Variants in PCDHGB4 observed in about 807,000 individuals in gnomAD.
The protein encoded by PCDHGB4 is protocadherin gamma subfamily B, 4, also known as protocadherin gamma-B4.
In PCDHGB4, 38 loss-of-function variants were observed where a neutral mutation model predicts 60.5. The ratio of observed to expected loss-of-function variants is 0.63; its 90% CI spans 0.48 to 0.82. PCDHGB4 has a LOEUF of 0.82. Among genes scored for constraint, PCDHGB4 ranks in the 40% least tolerant of loss-of-function variants. PCDHGB4 has a pLI of 0.00. For missense variants in PCDHGB4, 1,109 were observed against 1,209.6 expected (o/e 0.92, Z 1.23); for synonymous variants, 456 against 509.7 (o/e 0.89, Z 1.42).
chr5:141,394,018 A>T (rs2092900242), intron 1 of PCDHGB4: 1 of 1,613,496 alleles, frequency 6.2e-7, no homozygotes. Flanking sequence ...GGTAATTATT[A>T]TAGATTAGTG....
chr5:141,423,760 G>GT, intron 1 of PCDHGB4: 1 of 279,664 alleles, frequency 3.6e-6, no homozygotes, highest in Non-Finnish European at 5.3e-6. Flanking sequence ...TGGGGGGGGG[G>GT]TGGGGCGGCA....
intron 1 of PCDHGB4, among the ~76,000 whole-genome samples, chr5:141,447,123 T>G (rs1004463863): frequency 1.3e-5 from 2 of 152,160 alleles, no homozygotes; most frequent in Non-Finnish European, 2.9e-5. Flanking sequence ...CCATGGATTT[T>G]TTTGTTTGTT....
chr5:141,431,071 A>G lies in PCDHGB4; in HGVS notation c.2397+40790A>G. The G allele has an allele frequency of 6.2e-7, 1 of 1,614,244 alleles. No homozygotes were observed. On this transcript the variant is annotated intron_variant, in intron 1 of 3. Coordinates refer to ENST00000519479, the MANE Select transcript of PCDHGB4 (RefSeq NM_003736.4). The surrounding 1 kb of genome is among the most constrained non-coding windows in gnomAD (Gnocchi z 4.8). ...GTATGGGGGCCATCAAGTGTCAATTAAATCTAGACATTCTGATGGAGGATA... is the reference window on the plus strand; with the variant it reads ...GTATGGGGGCCATCAAGTGTCAATTGAATCTAGACATTCTGATGGAGGATA...
Position 141,389,429 on chromosome 5 carries a change from G to T in PCDHGB4, c.1545G>T (p.Gln515His). The change falls in exon 1 of 4, where the codon CAG becomes CAT. Residue 515 changes from glutamine (Q) to histidine (H), a missense_variant. Around this residue, in one of 2 missense-constraint regions of PCDHGB4, gnomAD observed 1,068 missense variants for 1,089.9 expected, o/e 0.98. Transcript: ENST00000519479. ...ISAESGVVFAQRAFDHEQLRA... is the reference protein window; with the variant it reads ...ISAESGVVFAHRAFDHEQLRA... ...CGGAGAGCGGGGTGGTGTTCGCGCA[G>T]CGCGCCTTCGACCACGAGCAGCTGC... 6.2e-7 allele frequency: 1 copy of T among 1,610,654 alleles called. No homozygotes were observed. The highest frequency in any genetic ancestry group is 2.2e-5 in the East Asian group (1 of 44,884).
intron 1 of PCDHGB4, among the ~76,000 whole-genome samples, chr5:141,454,209 T>A (rs2098783885): frequency 6.6e-6 from 1 of 152,088 alleles, no homozygotes; most frequent in South Asian, 2.1e-4. Flanking sequence ...TTTATTGACA[T>A]GAATGAGAAA....
chr5:141,428,731 A>G (rs1290064919), intron 1 of PCDHGB4: 1 of 159,494 alleles, frequency 6.3e-6, no homozygotes, highest in Non-Finnish European at 1.4e-5. Context: ...TCTTAAACAT[A>G]TTATATCTAC....
chr5:141,426,733 G>A (rs62378459), intron 1 of PCDHGB4: 13,670 of 449,336 alleles, frequency 0.03, 288 homozygotes, highest in Middle Eastern at 0.11. Context: ...CCAGGCATTC[G>A]GTTTGGCCTG....
chr5:141,415,848 A>C (rs1222834072), intron 1 of PCDHGB4: 1 of 1,241,178 alleles, frequency 8.1e-7, no homozygotes, highest in Non-Finnish European at 1.0e-6. Context: ...GCTTTGCAGA[A>C]CCTTGTAGTT....
rs1312182657 is a variant in PCDHGB4 at position 141,406,777 on chromosome 5, CTT to C, written c.2397+16497_2397+16498del. Among the ~76,000 whole-genome samples the C allele has an allele frequency of 2.0e-5, 3 of 152,268 alleles. No individual in the cohort carries two copies. The East Asian group carries it at 5.8e-4, about 29-fold the overall frequency. On this transcript the variant is annotated intron_variant, in intron 1 of 3. Coordinates refer to ENST00000519479, the MANE Select transcript of PCDHGB4 (RefSeq NM_003736.4). ...CAAGGAATTAAAAATATTTCTCTCA[CTT>C]ATATATTATTTCTGGCTCAATTCTC...
chr5:141,431,273 C>T lies in PCDHGB4; in HGVS notation c.2397+40992C>T, dbSNP rs752219345. 54 of 1,614,068 alleles carry T rather than the reference C, an allele frequency of 3.3e-5. No individual in the cohort carries two copies. Among genetic ancestry groups the T allele is most frequent in the Non-Finnish European group, 4.1e-5 (48 of 1,180,052 alleles). On this transcript the variant is annotated intron_variant, in intron 1 of 3. Transcript: ENST00000519479. The surrounding 1 kb of genome is among the most constrained non-coding windows in gnomAD (Gnocchi z 4.8). Reference sequence around the variant, plus strand: ...GAAGAACTCTCTGCAGAGCTACGAGCTCAGCCCGAACACTCACTTCTCCCT... The same window carrying T: ...GAAGAACTCTCTGCAGAGCTACGAGTTCAGCCCGAACACTCACTTCTCCCT...
intron 1 of PCDHGB4, among the ~76,000 whole-genome samples, chr5:141,472,602 T>C (rs1032061805): frequency 4.6e-5 from 7 of 152,026 alleles, no homozygotes; most frequent in African/African-American, 1.4e-4. Context: ...CTTGAAATTA[T>C]AAAACAAAGA....
intron 1 of PCDHGB4, chr5:141,415,385 C>T (rs1388093443): frequency 3.7e-6 from 6 of 1,614,228 alleles, no homozygotes; most frequent in Non-Finnish European, 5.1e-6. Flanking sequence ...GGCGGCTTGA[C>T]AGGTGTGTCC....
chr5:141,398,661 C>A, intron 1 of PCDHGB4: 1 of 1,614,018 alleles, frequency 6.2e-7, no homozygotes, highest in Non-Finnish European at 8.5e-7. Context: ...ACCCAAGTTT[C>A]TCATTAATAA....
rs2099605485 is a variant in PCDHGB4 at position 141,485,030 on chromosome 5, G to A, written c.2398-9777G>A. 1 of 674,340 alleles carries A rather than the reference G, an allele frequency of 1.5e-6. No individual in the cohort carries two copies. Among genetic ancestry groups the A allele is most frequent in the East Asian group, 2.6e-5 (1 of 38,292 alleles). The allele number at this position is 674,340 out of a possible 1,614,324, so 41.8% of individuals were successfully genotyped here. A position where few individuals can be genotyped will look rare whatever the true frequency, so the allele number is the denominator to read the frequency against. ...CTACCCCGCCACCAGCAAAAACGGC[G>A]CGTAACCCTTGCGGCGCCGGCCGAA... On this transcript the variant is annotated intron_variant, in intron 1 of 3. Transcript: ENST00000519479. The surrounding 1 kb of genome is among the most constrained non-coding windows in gnomAD (Gnocchi z 5.7).
chr5:141,491,810 G>T lies in PCDHGB4; in HGVS notation c.2398-2997G>T. 1 of 1,486,878 alleles carries T rather than the reference G, an allele frequency of 6.7e-7. No individual in the cohort carries two copies. The allele number at this position is 1,486,878 out of a possible 1,614,324, so 92.1% of individuals were successfully genotyped here. A position where few individuals can be genotyped will look rare whatever the true frequency, so the allele number is the denominator to read the frequency against. ...CCACTCCTCTCCGGCCGGCTTGGTC[G>T]CTGGCTGCGCTCCACCCGATTCTCG... On this transcript the variant is annotated intron_variant, in intron 1 of 3. Coordinates refer to ENST00000519479, the MANE Select transcript of PCDHGB4 (RefSeq NM_003736.4). This position sits in a 1 kb window ranked among gnomAD's most constrained non-coding sequence, Gnocchi z 6.9.
At chr5:141,395,516 G>A (rs1402459220) in intron 1 of PCDHGB4, 1 of 407,820 alleles carries the variant, frequency 2.5e-6, no homozygotes, top group Non-Finnish European at 4.4e-6. Context: ...GTAGCTACCC[G>A]TCCATACTGG....
chr5:141,464,843 A>G lies in PCDHGB4; in HGVS notation c.2398-29964A>G, dbSNP rs183890796. On this transcript the variant is annotated intron_variant, in intron 1 of 3. Coordinates refer to ENST00000519479, the MANE Select transcript of PCDHGB4 (RefSeq NM_003736.4). Reference sequence around the variant, plus strand: ...AGCCTCGCACTCCTGGGCTCAAGCAATCCTCCTACCTTAGCCTCCCAAGTA... The same window carrying G: ...AGCCTCGCACTCCTGGGCTCAAGCAGTCCTCCTACCTTAGCCTCCCAAGTA... 1.5e-3 allele frequency among the ~76,000 whole-genome samples: 231 copies of G among 152,234 alleles called. 1 individual carries two copies. Among genetic ancestry groups the G allele is most frequent in the Non-Finnish European group, 2.3e-3 (159 of 68,018 alleles).
chr5:141,485,744 G>T lies in PCDHGB4; in HGVS notation c.2398-9063G>T. 1 of 1,614,226 alleles carries T rather than the reference G, an allele frequency of 6.2e-7. No individual in the cohort carries two copies. Among genetic ancestry groups the T allele is most frequent in the Non-Finnish European group, 8.5e-7 (1 of 1,180,038 alleles). On this transcript the variant is annotated intron_variant, in intron 1 of 3. Transcript: ENST00000519479. The surrounding 1 kb of genome is among the most constrained non-coding windows in gnomAD (Gnocchi z 5.7). ...GAAGAAGCGCAGCGACGGCAGCCTG[G>T]TCCCAGAGCTGCTCCTGGAGAAGCC...
rs553673516 is a variant in PCDHGB4, at chr5:141,476,211, T to C, written c.2398-18596T>C. The C allele has an allele frequency of 5.4e-5, 87 of 1,613,942 alleles. No individual in the cohort carries two copies. The highest frequency in any genetic ancestry group is 7.0e-5 in the Non-Finnish European group (83 of 1,180,000). ...GGTGCCTTGAACAAGGCTTCCACGG[T>C]CATTCACTATGAGATCCCGGAGGAA... On this transcript the variant is annotated intron_variant, in intron 1 of 3. Coordinates refer to ENST00000519479, the MANE Select transcript of PCDHGB4 (RefSeq NM_003736.4). The surrounding 1 kb of genome is among the most constrained non-coding windows in gnomAD (Gnocchi z 7.6).
Sources: gnomAD v4.1 joint callset for allele counts (sites outside exome capture counted in the v4.1 genomes callset) on GRCh38, gnomAD v4.1.1 for gene constraint, gnomAD v4.1.1 regional missense constraint, Gnocchi (gnomAD v3.1) non-coding constraint, MANE v1.5 for transcripts, NCBI Gene and HGNC (gene_info 2026-07-23, HGNC 2026-07-21) for gene names.